Variants in ADGRL3 observed in about 807,000 individuals in gnomAD.
ADGRL3 encodes the protein adhesion G protein-coupled receptor L3.
In ADGRL3, 62 loss-of-function variants were observed where a neutral mutation model predicts 153.5. The ratio of observed to expected loss-of-function variants is 0.40; its 90% confidence interval spans 0.33 to 0.50. The LOEUF (loss-of-function observed/expected upper bound fraction) is 0.50, where lower values mean the gene tolerates loss of function less well. Ranked by LOEUF, ADGRL3 falls within the 20% of genes least tolerant of loss-of-function variation. The pLI is 0.47. For synonymous variants in ADGRL3, 710 were observed against 672.5 expected (o/e 1.06, Z -0.86); for missense variants, 1,641 against 1,859.4 (o/e 0.88, Z 2.16).
chr4:61,926,950 T>C (rs1304130158), intron 13 of ADGRL3, among the ~76,000 whole-genome samples: 1 of 152,222 alleles, frequency 6.6e-6, no homozygotes, highest in Non-Finnish European at 1.5e-5. Flanking sequence ...GTAAGTACAC[T>C]CTGTGCCCTT....
intron 24 of ADGRL3, among the ~76,000 whole-genome samples, chr4:62,039,676 G>A (rs1301753634): frequency 1.3e-5 from 2 of 151,964 alleles, no homozygotes; most frequent in Admixed American, 6.6e-5. Flanking sequence ...ATAAGAGTGG[G>A]GGCAGACCAG....
chr4:61,565,865 G>A (rs2098814289), intron 4 of ADGRL3, among the ~76,000 whole-genome samples: 1 of 152,082 alleles, frequency 6.6e-6, no homozygotes, highest in South Asian at 2.1e-4. Flanking sequence ...ATATAGATTA[G>A]CAATGCTACT....
chr4:61,221,914 GGA>G (rs1479708565), intron 1 of ADGRL3, among the ~76,000 whole-genome samples: 11 of 152,002 alleles, frequency 7.2e-5, no homozygotes, highest in African/African-American at 2.7e-4. Flanking sequence ...GAAAAAAAGA[GGA>G]GATATAATAA....
At chr4:61,785,908 G>T (rs2097270816) in intron 8 of ADGRL3, among the ~76,000 whole-genome samples, 1 of 152,220 alleles carries the variant, frequency 6.6e-6, no homozygotes, top group South Asian at 2.1e-4. Context: ...TACTTCTTTG[G>T]GAGGCTGAAG....
In ADGRL3 at chr4:62,073,547, A is replaced by G. The variant is rs1468319976; in HGVS notation, c.*2639A>G. On this transcript the variant is annotated 3_prime_UTR_variant, in exon 27 of 27. Coordinates refer to ENST00000683033, the MANE Select transcript of ADGRL3 (RefSeq NM_001387552.1). The stretch of plus-strand genomic sequence containing the variant: ...TGCTTGTTTTGTCAAACAGTAACCT[A>G]CATGAAAGCAACTCTATCAGTAAGA... 1 of 152,154 alleles carries G rather than the reference A, an allele frequency of 6.6e-6. No homozygotes were observed. Among genetic ancestry groups the G allele is most frequent in the Non-Finnish European group, 1.5e-5 (1 of 68,006 alleles). The allele number at this position is 152,154 out of a possible 1,614,324, so 9.4% of individuals were successfully genotyped here.
intron 4 of ADGRL3, among the ~76,000 whole-genome samples, chr4:61,518,876 C>T (rs1007969743): frequency 2.6e-5 from 4 of 152,152 alleles, no homozygotes; most frequent in African/African-American, 9.7e-5. Flanking sequence ...ATTTGTATTA[C>T]CTTTTCAAAC....
intron 2 of ADGRL3, among the ~76,000 whole-genome samples, chr4:61,462,154 CCA>C (rs1413604679): frequency 1.3e-5 from 2 of 152,044 alleles, no homozygotes; most frequent in Non-Finnish European, 2.9e-5. Context: ...AACAATAACC[CCA>C]GTGTTTCCTA....
intron 2 of ADGRL3, among the ~76,000 whole-genome samples, chr4:61,465,691 A>G (rs925015017): frequency 6.7e-5 from 10 of 148,930 alleles, no homozygotes; most frequent in African/African-American, 1.5e-4. Flanking sequence ...AGTTTGTCCA[A>G]CATGGACAAA....
chr4:61,676,319 T>C (rs2095190821), intron 5 of ADGRL3, among the ~76,000 whole-genome samples: 2 of 152,028 alleles, frequency 1.3e-5, no homozygotes, highest in South Asian at 4.1e-4. Flanking sequence ...TTTTAACATT[T>C]AAATATTAAC....
At chr4:61,485,928 T>TTTTG (rs1371182278) in intron 2 of ADGRL3, among the ~76,000 whole-genome samples, 20 of 147,020 alleles carry the variant, frequency 1.4e-4, no homozygotes, top group South Asian at 2.1e-4. Flanking sequence ...TTTTTTTTTG[T>TTTTG]TTTGTTTGTT....
chr4:62,017,531 A>G (rs986658273), intron 21 of ADGRL3, among the ~76,000 whole-genome samples: 30 of 151,622 alleles, frequency 2.0e-4, no homozygotes, highest in Admixed American at 2.0e-3. Flanking sequence ...ATTGATTATG[A>G]TGTTTATGCA....
chr4:61,213,259 T>C (rs1207595945), intron 1 of ADGRL3, among the ~76,000 whole-genome samples: 1 of 152,156 alleles, frequency 6.6e-6, no homozygotes, highest in Non-Finnish European at 1.5e-5. Flanking sequence ...TGTTTTATTT[T>C]AGCAGTCCTT....
chr4:61,371,548 G>T (rs1293131872), intron 1 of ADGRL3, among the ~76,000 whole-genome samples: 6 of 151,890 alleles, frequency 4.0e-5, no homozygotes, highest in Non-Finnish European at 7.4e-5. Flanking sequence ...TAAGAATGTT[G>T]AATATTGGCC....
At chr4:61,847,458 G>A (rs915880493) in intron 9 of ADGRL3, among the ~76,000 whole-genome samples, 1 of 148,474 alleles carries the variant, frequency 6.7e-6, no homozygotes, top group Admixed American at 7.0e-5. Context: ...AACCTAAGGG[G>A]CAGGGTATGT....
chr4:61,329,058 C>G (rs910410231), intron 1 of ADGRL3, among the ~76,000 whole-genome samples: 2 of 152,030 alleles, frequency 1.3e-5, no homozygotes, highest in Non-Finnish European at 2.9e-5. Flanking sequence ...ATTAGTTGCT[C>G]AACAAAAAGA....
At chr4:61,886,203 T>C (rs1422158508) in intron 9 of ADGRL3, among the ~76,000 whole-genome samples, 1 of 152,208 alleles carries the variant, frequency 6.6e-6, no homozygotes, top group African/African-American at 2.4e-5. Context: ...ATATGAATGC[T>C]TCTTTTTAAA....
At chr4:61,679,765 G>A (rs2095292853) in intron 6 of ADGRL3, among the ~76,000 whole-genome samples, 1 of 151,920 alleles carries the variant, frequency 6.6e-6, no homozygotes, top group Admixed American at 6.6e-5. Flanking sequence ...GATTAGATTT[G>A]GGTCTGTTTC....
intron 21 of ADGRL3, among the ~76,000 whole-genome samples, chr4:62,008,413 T>C (rs564848010): frequency 4.5e-4 from 68 of 152,252 alleles, no homozygotes; most frequent in African/African-American, 1.6e-3. Context: ...GCTGATCTTA[T>C]ATAAGAAGGA....
chr4:61,264,750 A>T (rs915241154), intron 1 of ADGRL3, among the ~76,000 whole-genome samples: 5 of 152,040 alleles, frequency 3.3e-5, no homozygotes, highest in African/African-American at 1.2e-4. Context: ...AAATACTGCT[A>T]GTACTGGAAT....
Sources: gnomAD v4.1 joint callset for allele counts (sites outside exome capture counted in the v4.1 genomes callset) on GRCh38, gnomAD v4.1.1 for gene constraint, MANE v1.5 for transcripts, NCBI Gene and HGNC (gene_info 2026-07-23, HGNC 2026-07-21) for gene names.